The following CSMD1 variants were observed in gnomAD, a reference collection of about 807,000 sequenced individuals.
CSMD1 encodes the protein CUB and Sushi multiple domains 1, also known as CUB and sushi domain-containing protein 1.
Under a neutral mutation model 417.5 loss-of-function variants are expected in CSMD1, and 213 were observed. The ratio of observed to expected loss-of-function variants is 0.51; its 90% CI spans 0.46 to 0.57. The LOEUF (loss-of-function observed/expected upper bound fraction) is 0.57, where lower values mean the gene tolerates loss of function less well. Ranked by LOEUF, CSMD1 falls within the 20% of genes least tolerant of loss-of-function variation. The pLI is 0.00. For synonymous variants in CSMD1, 2,862 were observed against 1,736.8 expected, an observed-to-expected ratio of 1.65 and a Z score of -16.11; for missense variants, 6,923 against 4,529.7, an observed-to-expected ratio of 1.53 and a Z score of -15.17.
rs192637944 is a variant in CSMD1, at chr8:3,091,589, C to T, written c.7212G>A (p.Arg2404=). ...ACCAGCGGAGATATAACTGATTACT[C>T]CTGCTTGTAAAATTTGATTGTTCAG... ...NHTEQSNFTS[R]SNQLYLRWST... The change falls in exon 48 of 70, where the codon AGG becomes AGA. Residue 2404 remains arginine (R), a synonymous_variant. Transcript: ENST00000635120. The T allele has an allele frequency of 6.2e-7, 1 of 1,611,382 alleles. No homozygotes were observed. The highest frequency in any genetic ancestry group is 1.3e-5 in the African/African-American group (1 of 74,954).
intron 5 of CSMD1, among the ~76,000 whole-genome samples, chr8:3,980,738 C>T (rs1400352022): frequency 2.6e-5 from 4 of 152,178 alleles, no homozygotes; most frequent in Non-Finnish European, 5.9e-5. Context: ...CCCCACCCTT[C>T]TGAATTCCTG....
intron 3 of CSMD1, among the ~76,000 whole-genome samples, chr8:4,087,017 A>G (rs190401507): frequency 8.5e-5 from 13 of 152,318 alleles, no homozygotes; most frequent in Admixed American, 7.8e-4. Context: ...CGCTATGTAC[A>G]TCATGGAATT....
chr8:4,947,871 G>A (rs768931490), intron 1 of CSMD1, among the ~76,000 whole-genome samples: 27 of 151,916 alleles, frequency 1.8e-4, no homozygotes, highest in Non-Finnish European at 3.5e-4. Context: ...ATATCATTTT[G>A]TGAACATATT....
intron 12 of CSMD1, among the ~76,000 whole-genome samples, chr8:3,441,506 TATATAC>T (rs1467131296): frequency 1.8e-5 from 2 of 108,404 alleles, no homozygotes; most frequent in Admixed American, 1.0e-4. Flanking sequence ...TATATATATA[TATATAC>T]ACACACACAC....
At chr8:3,720,843 G>A (rs144478358) in intron 6 of CSMD1, among the ~76,000 whole-genome samples, 18 of 151,756 alleles carry the variant, frequency 1.2e-4, no homozygotes, top group African/African-American at 1.9e-4. Flanking sequence ...CGAGAGTCTC[G>A]CTCTGTTGCC....
intron 3 of CSMD1, among the ~76,000 whole-genome samples, chr8:4,182,489 G>A (rs563534777): frequency 3.2e-4 from 49 of 152,068 alleles, no homozygotes; most frequent in Non-Finnish European, 6.2e-4. Context: ...AATAAGATAC[G>A]TCACATTATT....
chr8:4,605,465 G>A lies in CSMD1; in HGVS notation c.302+31877C>T, dbSNP rs1280998265. 4.6e-5 allele frequency among the ~76,000 whole-genome samples: 7 copies of A among 152,164 alleles called. No individual in the cohort carries two copies. The South Asian group carries it at 1.2e-3, about 27-fold the overall frequency. ...TCCCCAGAATTATCCTGATTATGAT[G>A]ATTCATCTTACCTTTATGCCCGACT... On this transcript the variant is annotated intron_variant, in intron 2 of 69. Coordinates refer to ENST00000635120, the MANE Select transcript of CSMD1 (RefSeq NM_033225.6).
chr8:4,845,198 A>G (rs1801073457), intron 1 of CSMD1, among the ~76,000 whole-genome samples: 1 of 152,200 alleles, frequency 6.6e-6, no homozygotes, highest in Non-Finnish European at 1.5e-5. Flanking sequence ...TATTACACAA[A>G]TATTTTTAAC....
chr8:4,145,156 G>A (rs917270809), intron 3 of CSMD1, among the ~76,000 whole-genome samples: 5 of 151,062 alleles, frequency 3.3e-5, no homozygotes, highest in African/African-American at 1.2e-4. Context: ...GTAATAAAAG[G>A]CACGAACCCA....
chr8:3,885,615 C>G (rs1806508800), intron 5 of CSMD1, among the ~76,000 whole-genome samples: 1 of 152,152 alleles, frequency 6.6e-6, no homozygotes, highest in Admixed American at 6.5e-5. Context: ...TGATGAGCGT[C>G]TGCTCCTTTC....
intron 1 of CSMD1, among the ~76,000 whole-genome samples, chr8:4,943,018 G>C (rs138079817): frequency 1.1e-4 from 17 of 152,146 alleles, no homozygotes; most frequent in African/African-American, 4.8e-5. Context: ...TGAGAGTATG[G>C]CTTTCTTTGA....
chr8:4,291,367 T>C (rs181327774), intron 3 of CSMD1, among the ~76,000 whole-genome samples: 4 of 152,160 alleles, frequency 2.6e-5, no homozygotes, highest in Admixed American at 2.0e-4. Context: ...AAAAACAAAA[T>C]ACAAATTTAT....
At chr8:3,318,766 G>C (rs1419702701) in intron 23 of CSMD1, among the ~76,000 whole-genome samples, 1 of 152,082 alleles carries the variant, frequency 6.6e-6, no homozygotes, top group Non-Finnish European at 1.5e-5. Context: ...GGTTTCTGTG[G>C]AAGCCAGATC....
chr8:3,839,108 TATAG>T (rs1802926636), intron 5 of CSMD1, among the ~76,000 whole-genome samples: 1 of 121,300 alleles, frequency 8.2e-6, no homozygotes, highest in Non-Finnish European at 1.6e-5. Context: ...AGCCTATATA[TATAG>T]TCTATATGTA....
intron 1 of CSMD1, among the ~76,000 whole-genome samples, chr8:4,874,181 T>A (rs1256306917): frequency 6.6e-6 from 1 of 152,066 alleles, no homozygotes; most frequent in Non-Finnish European, 1.5e-5. Flanking sequence ...TCATAATGAA[T>A]GAACAATGAA....
At chr8:4,873,056 T>TG in intron 1 of CSMD1, among the ~76,000 whole-genome samples, 1 of 152,204 alleles carries the variant, frequency 6.6e-6, no homozygotes, top group East Asian at 1.9e-4. Flanking sequence ...ATATTTAAGG[T>TG]GTACAATATG....
At chr8:4,280,429 T>C (rs1225305707) in intron 3 of CSMD1, among the ~76,000 whole-genome samples, 1 of 152,234 alleles carries the variant, frequency 6.6e-6, no homozygotes, top group Non-Finnish European at 1.5e-5. Context: ...AGTACCGAAA[T>C]GTGCGACCGG....
intron 7 of CSMD1, among the ~76,000 whole-genome samples, chr8:3,667,020 C>T (rs750587304): frequency 3.3e-5 from 5 of 152,094 alleles, no homozygotes; most frequent in South Asian, 2.1e-4. Context: ...ACCCTGAAGG[C>T]GCCAAGCTAG....
At chr8:4,985,903 G>T (rs888804705) in intron 1 of CSMD1, among the ~76,000 whole-genome samples, 2 of 152,138 alleles carry the variant, frequency 1.3e-5, no homozygotes, top group Non-Finnish European at 2.9e-5. Flanking sequence ...AACAAGAATT[G>T]CAAGACATTT....
Sources: allele counts gnomAD v4.1 joint callset (sites outside exome capture counted in the v4.1 genomes callset), GRCh38; gene constraint gnomAD v4.1.1; transcripts MANE v1.5; gene names NCBI Gene and HGNC (gene_info 2026-07-23, HGNC 2026-07-21).